MRAS: variants seen among roughly 807,000 people sequenced by gnomAD.
MRAS encodes muscle RAS oncogene homolog.
A neutral mutation model predicts 20.9 loss-of-function variants in MRAS; 4 were observed. That is an observed-to-expected ratio of 0.19 (90% CI 0.09 to 0.44). MRAS has a LOEUF of 0.44. Among genes scored for constraint, MRAS ranks in the 20% least tolerant of loss-of-function variants. The pLI, the probability that MRAS is intolerant of heterozygous loss-of-function variation, is 0.99. For synonymous variants in MRAS, 98 were observed against 102.9 expected (o/e 0.95, Z 0.29); for missense variants, 154 against 277.5 (o/e 0.56, Z 3.16).
chr3:138,369,228 G>C (rs1333103558), intron 1 of MRAS, among the ~76,000 whole-genome samples: 2 of 152,176 alleles, frequency 1.3e-5, no homozygotes, highest in Non-Finnish European at 2.9e-5. Flanking sequence ...CCAGGCTCTG[G>C]GAGTACAGAG....
chr3:138,393,412 T>C (rs1387356926), intron 2 of MRAS, among the ~76,000 whole-genome samples: 1 of 152,224 alleles, frequency 6.6e-6, no homozygotes, highest in Non-Finnish European at 1.5e-5. Context: ...TACCACTGTT[T>C]GTAGTATCAC....
intron 2 of MRAS, among the ~76,000 whole-genome samples, chr3:138,373,876 C>CATTT (rs137976100): frequency 0.6 from 86,435 of 144,028 alleles, 26,279 homozygotes; most frequent in Admixed American, 0.72. Flanking sequence ...TATCTCTTTC[C>CATTT]ATTTATTTAT....
intron 4 of MRAS, 143 bp from the exon 5 acceptor site, chr3:138,400,391 G>A: frequency 1.4e-6 from 1 of 708,608 alleles, no homozygotes; most frequent in Non-Finnish European, 2.5e-6. Flanking sequence ...CCTAAATGAT[G>A]CTTGAGGCTA....
At chr3:138,358,996 G>T (rs993606272) in intron 1 of MRAS, among the ~76,000 whole-genome samples, 1 of 152,096 alleles carries the variant, frequency 6.6e-6, no homozygotes, top group African/African-American at 2.4e-5. Flanking sequence ...TTAGGCCAAG[G>T]TTATACAGCT....
At chr3:138,384,679 A>G (rs954228847) in intron 2 of MRAS, among the ~76,000 whole-genome samples, 18 of 152,156 alleles carry the variant, frequency 1.2e-4, no homozygotes, top group African/African-American at 3.9e-4. Context: ...CTGGATAGAA[A>G]TCTGGGTGGT....
At position 138,400,408 on chromosome 3, in the gene MRAS, G is replaced by C. The variant is rs957627143; in HGVS notation, c.448-126G>C. 11 of 782,658 alleles carry C rather than the reference G, an allele frequency of 1.4e-5. No individual in the cohort carries two copies. In the African/African-American group the frequency reaches 1.7e-4, roughly 12 times the overall value. The allele number at this position is 782,658 out of a possible 1,614,324, so 48.5% of individuals were successfully genotyped here. Reference sequence around the variant, plus strand: ...TAAATGATGCTTGAGGCTATTGGGGGCTGGGGCTTCTGTGGGGGGTTTTGA... The same window carrying C: ...TAAATGATGCTTGAGGCTATTGGGGCCTGGGGCTTCTGTGGGGGGTTTTGA... On this transcript the variant is annotated intron_variant, in intron 4 of 5. Coordinates refer to ENST00000423968, the MANE Select transcript of MRAS (RefSeq NM_001085049.3).
At chr3:138,351,877 T>C (rs1219388024) in intron 1 of MRAS, among the ~76,000 whole-genome samples, 3 of 152,146 alleles carry the variant, frequency 2.0e-5, no homozygotes, top group Admixed American at 6.5e-5. Flanking sequence ...GTTGGACATA[T>C]AATTCAGGGG....
chr3:138,385,718 G>T (rs1252186443), intron 2 of MRAS, among the ~76,000 whole-genome samples: 8 of 151,980 alleles, frequency 5.3e-5, no homozygotes, highest in Admixed American at 5.2e-4. Context: ...GTTTCATCAT[G>T]TTGCCAGGCT....
At chr3:138,355,990 C>G (rs2054323636) in intron 1 of MRAS, among the ~76,000 whole-genome samples, 2 of 152,178 alleles carry the variant, frequency 1.3e-5, no homozygotes, top group Admixed American at 1.3e-4. Context: ...GGAGATGCTG[C>G]AAAAGCCAGC....
chr3:138,390,193 C>T (rs2055103039), intron 2 of MRAS, among the ~76,000 whole-genome samples: 1 of 152,152 alleles, frequency 6.6e-6, no homozygotes, highest in Non-Finnish European at 1.5e-5. Context: ...CCTGGGACTA[C>T]ATGCCTTGCC....
In MRAS at chr3:138,397,267, C is replaced by T. The variant is rs920203060; in HGVS notation, c.194-57C>T. The T allele has an allele frequency of 7.6e-6, 12 of 1,588,246 alleles. No homozygotes were observed. The African/African-American group carries it at 1.6e-4, about 21-fold the overall frequency. ...AGCAGCAGTGTTGGAGTCTTGCAGG[C>T]TGTGGGGGCTACAGGGTAGGTGAGG... On this transcript the variant is annotated intron_variant, in intron 2 of 5. Transcript: ENST00000423968.
At chr3:138,359,467 T>G (rs1444498367) in intron 1 of MRAS, among the ~76,000 whole-genome samples, 1 of 152,214 alleles carries the variant, frequency 6.6e-6, no homozygotes, top group Non-Finnish European at 1.5e-5. Context: ...GAATTGCCTC[T>G]CCCCACCTCA....
In MRAS at chr3:138,401,664, T is replaced by G. The variant is rs143410325; in HGVS notation, c.528-506T>G. Among the ~76,000 whole-genome samples the G allele has an allele frequency of 3.9e-5, 6 of 152,314 alleles. No homozygotes were observed. The East Asian group carries it at 7.7e-4, about 20-fold the overall frequency. Reference sequence around the variant, plus strand: ...AGAAACTATTTGCTCTTGGGCATTTTGCCTCCAATTAGGATGTGCTGCCAT... The same window carrying G: ...AGAAACTATTTGCTCTTGGGCATTTGGCCTCCAATTAGGATGTGCTGCCAT... On this transcript the variant is annotated intron_variant, in intron 5 of 5. Transcript: ENST00000423968.
At chr3:138,380,263 C>T (rs1341956419) in intron 2 of MRAS, among the ~76,000 whole-genome samples, 1 of 152,002 alleles carries the variant, frequency 6.6e-6, no homozygotes. Context: ...GCCCCTTAAA[C>T]ACTAAGTCCC....
rs544034515 is a variant in MRAS at position 138,394,282 on chromosome 3, C to T, written c.194-3042C>T. Among the ~76,000 whole-genome samples, 13 of 152,196 alleles carry T rather than the reference C, an allele frequency of 8.5e-5. No homozygotes were observed. The East Asian group carries it at 2.3e-3, about 27-fold the overall frequency. On this transcript the variant is annotated intron_variant, in intron 2 of 5. Coordinates refer to ENST00000423968, the MANE Select transcript of MRAS (RefSeq NM_001085049.3). The stretch of plus-strand genomic sequence containing the variant: ...TAAGGACCTGCTGGTCCCGGAGCCC[C>T]GCCCCTCATTTCCTACATGAGACTG...
intron 5 of MRAS, among the ~76,000 whole-genome samples, chr3:138,401,264 C>G (rs1456005114): frequency 6.6e-6 from 1 of 152,158 alleles, no homozygotes; most frequent in African/African-American, 2.4e-5. Flanking sequence ...GCACAGCAGC[C>G]TAACCAGCGG....
intron 2 of MRAS, among the ~76,000 whole-genome samples, chr3:138,388,803 G>A (rs771065316): frequency 6.6e-6 from 1 of 152,170 alleles, no homozygotes; most frequent in Non-Finnish European, 1.5e-5. Context: ...TTGATATTCC[G>A]TGACCCTTAT....
At chr3:138,360,645 G>A (rs1266579190) in intron 1 of MRAS, among the ~76,000 whole-genome samples, 1 of 152,208 alleles carries the variant, frequency 6.6e-6, no homozygotes, top group Non-Finnish European at 1.5e-5. Context: ...TGCCACTGCA[G>A]TCCTCTAGGT....
At chr3:138,363,828 C>A (rs930155961) in intron 1 of MRAS, among the ~76,000 whole-genome samples, 11 of 112,872 alleles carry the variant, frequency 9.7e-5, no homozygotes, top group South Asian at 4.0e-4. Flanking sequence ...TACCCCCCCC[C>A]CCCCCCAAAC....
Sources: allele counts gnomAD v4.1 joint callset (sites outside exome capture counted in the v4.1 genomes callset), GRCh38; gene constraint gnomAD v4.1.1; transcripts MANE v1.5; gene names NCBI Gene and HGNC (gene_info 2026-07-23, HGNC 2026-07-21).